The following AFG1L variants were observed in gnomAD, a reference collection of about 807,000 sequenced individuals.
The protein encoded by AFG1L is AFG1 like ATPase, also known as AFG1-like ATPase.
AFG1L carries 53 observed loss-of-function variants against 62.2 expected under a neutral mutation model. The ratio of observed to expected loss-of-function variants is 0.85; its 90% CI spans 0.68 to 1.07. AFG1L has a LOEUF of 1.07. AFG1L is among the 50% of genes least tolerant of loss of function. The pLI is 0.00. For synonymous variants in AFG1L, 228 were observed against 210.3 expected (o/e 1.08, Z -0.73); for missense variants, 555 against 590.5 (o/e 0.94, Z 0.62).
rs142700954 is a variant in AFG1L at position 108,518,901 on chromosome 6, G to A, written c.1204-796G>A. On this transcript the variant is annotated intron_variant, in intron 11 of 12. Transcript: ENST00000368977. ...TAGCAGTCTGCTGTGCAGCAAAAGC[G>A]TAACTAACCTCTTTACAGTGTCCCT... 2.3e-4 allele frequency among the ~76,000 whole-genome samples: 35 copies of A among 152,322 alleles called. No individual in the cohort carries two copies. The East Asian group carries it at 4.6e-3, about 20-fold the overall frequency.
At chr6:108,306,817 C>G (rs1777214932) in intron 1 of AFG1L, among the ~76,000 whole-genome samples, 1 of 152,112 alleles carries the variant, frequency 6.6e-6, no homozygotes, top group Non-Finnish European at 1.5e-5. Flanking sequence ...CCCCATATCA[C>G]AATATATTCC....
At chr6:108,456,093 C>T (rs903157820) in intron 8 of AFG1L, among the ~76,000 whole-genome samples, 3 of 151,880 alleles carry the variant, frequency 2.0e-5, no homozygotes, top group African/African-American at 7.3e-5. Context: ...TCTGGTTTTG[C>T]TTCATGTATT....
chr6:108,473,232 G>T (rs1452897649), intron 8 of AFG1L, among the ~76,000 whole-genome samples: 1 of 152,138 alleles, frequency 6.6e-6, no homozygotes, highest in East Asian at 1.9e-4. Context: ...AGAAAATCAA[G>T]TATTGTAATT....
At chr6:108,417,981 C>T (rs1234817084) in intron 7 of AFG1L, among the ~76,000 whole-genome samples, 1 of 152,114 alleles carries the variant, frequency 6.6e-6, no homozygotes, top group African/African-American at 2.4e-5. Flanking sequence ...CTACAGGTGC[C>T]TGCCACCACG....
intron 8 of AFG1L, among the ~76,000 whole-genome samples, chr6:108,456,731 A>G (rs1248508427): frequency 6.6e-6 from 1 of 152,182 alleles, no homozygotes; most frequent in Non-Finnish European, 1.5e-5. Context: ...CATAAGATGT[A>G]ATATAATCAT....
At chr6:108,352,254 T>G (rs981016408) in intron 3 of AFG1L, among the ~76,000 whole-genome samples, 2 of 152,216 alleles carry the variant, frequency 1.3e-5, no homozygotes, top group African/African-American at 4.8e-5. Flanking sequence ...TTTGTCCTTT[T>G]GGGTCTGGAT....
At chr6:108,509,235 C>T (rs527352699) in intron 10 of AFG1L, among the ~76,000 whole-genome samples, 28 of 152,266 alleles carry the variant, frequency 1.8e-4, no homozygotes, top group Admixed American at 6.5e-4. Context: ...GTAGGTGGCA[C>T]TTTTGTGAAT....
chr6:108,397,130 G>A (rs1396484210), intron 6 of AFG1L, among the ~76,000 whole-genome samples: 1 of 151,948 alleles, frequency 6.6e-6, no homozygotes, highest in Non-Finnish European at 1.5e-5. Context: ...CCAGGTTCAA[G>A]CAATTCTCCT....
At chr6:108,470,748 A>G (rs1273538761) in intron 8 of AFG1L, among the ~76,000 whole-genome samples, 1 of 152,194 alleles carries the variant, frequency 6.6e-6, no homozygotes, top group Non-Finnish European at 1.5e-5. Context: ...TTCATATTTC[A>G]TAAAAACATA....
At chr6:108,360,511 C>T (rs1305383032) in intron 5 of AFG1L, among the ~76,000 whole-genome samples, 1 of 152,110 alleles carries the variant, frequency 6.6e-6, no homozygotes, top group Non-Finnish European at 1.5e-5. Context: ...AGACCCTATT[C>T]CCCTGAGCAA....
At chr6:108,452,931 T>C (rs1015127748) in intron 8 of AFG1L, among the ~76,000 whole-genome samples, 3 of 152,214 alleles carry the variant, frequency 2.0e-5, no homozygotes, top group African/African-American at 7.2e-5. Context: ...CATTGTCTCA[T>C]CTTTCAAGGT....
chr6:108,335,052 G>A (rs1385406844), intron 2 of AFG1L, among the ~76,000 whole-genome samples: 1 of 151,036 alleles, frequency 6.6e-6, no homozygotes, highest in Non-Finnish European at 1.5e-5. Flanking sequence ...GGAGTGTAGT[G>A]GCACGATCTC....
chr6:108,487,848 G>A (rs1773629897), intron 10 of AFG1L, among the ~76,000 whole-genome samples: 1 of 152,208 alleles, frequency 6.6e-6, no homozygotes, highest in South Asian at 2.1e-4. Flanking sequence ...AGGAAATAAA[G>A]ATGAAACAGA....
chr6:108,364,603 A>G (rs1239136328), intron 5 of AFG1L, among the ~76,000 whole-genome samples: 2 of 152,208 alleles, frequency 1.3e-5, no homozygotes, highest in African/African-American at 2.4e-5. Flanking sequence ...TGTATTGGCA[A>G]TGTAATTTAA....
intron 6 of AFG1L, among the ~76,000 whole-genome samples, chr6:108,372,332 C>CT (rs1188752721): frequency 0.016 from 2,157 of 136,096 alleles, 24 homozygotes; most frequent in East Asian, 0.024. Flanking sequence ...CAAACTTGTT[C>CT]TTTTTTTTTT....
rs1775281114 is a variant in AFG1L at position 108,525,209 on chromosome 6, A to G, written c.*2784A>G. The G allele has an allele frequency of 6.6e-6, 1 of 152,222 alleles. No homozygotes were observed. The allele number at this position is 152,222 out of a possible 1,614,324, so 9.4% of individuals were successfully genotyped here. A position where few individuals can be genotyped will look rare whatever the true frequency, so the allele number is the denominator to read the frequency against. On this transcript the variant is annotated 3_prime_UTR_variant, in exon 13 of 13. Transcript: ENST00000368977. ...TAGTTCCCAGACTTAACAGAGGTCA[A>G]GCGGAGAAAAAGGAAAACTTTCTTT...
chr6:108,306,244 C>T (rs1362353652), intron 1 of AFG1L, among the ~76,000 whole-genome samples: 1 of 152,194 alleles, frequency 6.6e-6, no homozygotes. Context: ...ATTAGTGCTG[C>T]AGAGGGCCTC....
At chr6:108,518,052 G>A (rs1406486311) in intron 11 of AFG1L, among the ~76,000 whole-genome samples, 2 of 152,178 alleles carry the variant, frequency 1.3e-5, no homozygotes, top group African/African-American at 4.8e-5. Context: ...TACACTGTTG[G>A]TGGGACTGTA....
intron 7 of AFG1L, among the ~76,000 whole-genome samples, chr6:108,442,492 A>T (rs1210437612): frequency 6.6e-6 from 1 of 152,076 alleles, no homozygotes; most frequent in Non-Finnish European, 1.5e-5. Flanking sequence ...GGGTTTGGAC[A>T]ACTTGGAGTG....
Sources: allele counts gnomAD v4.1 joint callset (sites outside exome capture counted in the v4.1 genomes callset), GRCh38; gene constraint gnomAD v4.1.1; transcripts MANE v1.5; gene names NCBI Gene and HGNC (gene_info 2026-07-23, HGNC 2026-07-21).